Variants in CSNK1G3 observed in about 807,000 individuals in gnomAD.
The protein encoded by CSNK1G3 is casein kinase 1 gamma 3.
A neutral mutation model predicts 64.3 loss-of-function variants in CSNK1G3; 23 were observed. The ratio of observed to expected loss-of-function variants is 0.36; its 90% CI spans 0.26 to 0.51. CSNK1G3 has a LOEUF of 0.51. Ranked by LOEUF, CSNK1G3 falls within the 20% of genes least tolerant of loss-of-function variation. The pLI, the probability that CSNK1G3 is intolerant of heterozygous loss-of-function variation, is 0.96. For missense variants in CSNK1G3, 357 were observed against 510.5 expected, an observed-to-expected ratio of 0.70 and a Z score of 2.90; for synonymous variants, 158 against 162.2, an observed-to-expected ratio of 0.97 and a Z score of 0.20.
At chr5:123,583,570 G>C (rs1790756316) in intron 6 of CSNK1G3, among the ~76,000 whole-genome samples, 2 of 148,544 alleles carry the variant, frequency 1.3e-5, no homozygotes, top group Non-Finnish European at 3.0e-5. Context: ...CTGCATGTTG[G>C]TCAGGCTGCT....
At chr5:123,600,323 CA>C (rs1040323457) in intron 10 of CSNK1G3, among the ~76,000 whole-genome samples, 24 of 152,108 alleles carry the variant, frequency 1.6e-4, no homozygotes, top group African/African-American at 5.8e-4. Context: ...TACAAGGTAT[CA>C]AATAGAAATT....
intron 5 of CSNK1G3, 49 bp from the exon 6 acceptor site, chr5:123,575,680 C>T (rs775310266): frequency 1.8e-6 from 2 of 1,127,988 alleles, no homozygotes; most frequent in African/African-American, 1.5e-5. Flanking sequence ...CTTGCTTAGG[C>T]TAGTCAAAGC....
chr5:123,583,617 G>A (rs1279780386), intron 6 of CSNK1G3, among the ~76,000 whole-genome samples: 2 of 149,268 alleles, frequency 1.3e-5, no homozygotes, highest in African/African-American at 4.9e-5. Context: ...GCCCGCCTCA[G>A]CCTCCCAAAG....
intron 10 of CSNK1G3, among the ~76,000 whole-genome samples, chr5:123,603,489 C>T (rs369894035): frequency 1.8e-4 from 27 of 152,060 alleles, no homozygotes; most frequent in Non-Finnish European, 3.7e-4. Context: ...TCTCTCTTAT[C>T]CTGGAGCTTA....
At chr5:123,568,736 A>G (rs758415063) in intron 4 of CSNK1G3, among the ~76,000 whole-genome samples, 37 of 151,950 alleles carry the variant, frequency 2.4e-4, no homozygotes, top group Non-Finnish European at 4.9e-4. Context: ...CTGCCACTGC[A>G]CTCTATGTTT....
chr5:123,516,789 A>G (rs184830451), intron 1 of CSNK1G3, among the ~76,000 whole-genome samples: 1 of 152,328 alleles, frequency 6.6e-6, no homozygotes, highest in East Asian at 1.9e-4. Context: ...AGATGGTCTC[A>G]TGATACTCTT....
exon 13 of CSNK1G3, chr5:123,615,234 A>C (rs1749261388): frequency 6.6e-6 from 1 of 152,666 alleles, no homozygotes; most frequent in Non-Finnish European, 1.5e-5. Flanking sequence ...GGAGTTATAA[A>C]GAAATACACT....
intron 10 of CSNK1G3, among the ~76,000 whole-genome samples, chr5:123,602,417 C>T (rs1253531366): frequency 6.6e-6 from 1 of 152,116 alleles, no homozygotes; most frequent in Non-Finnish European, 1.5e-5. Context: ...ATTCCAAATA[C>T]CTAGAACAGT....
At chr5:123,533,954 C>G (rs1431578669) in intron 1 of CSNK1G3, among the ~76,000 whole-genome samples, 1 of 151,490 alleles carries the variant, frequency 6.6e-6, no homozygotes, top group Non-Finnish European at 1.5e-5. Flanking sequence ...CTTTAGGTTT[C>G]TTTTGCTGTT....
At chr5:123,605,870 C>A (rs1420667102) in intron 12 of CSNK1G3, among the ~76,000 whole-genome samples, 1 of 151,878 alleles carries the variant, frequency 6.6e-6, no homozygotes, top group Non-Finnish European at 1.5e-5. Context: ...TTTAAAAATC[C>A]TCATCTAAAT....
chr5:123,527,762 A>G (rs1349818659), intron 1 of CSNK1G3, among the ~76,000 whole-genome samples: 1 of 152,244 alleles, frequency 6.6e-6, no homozygotes, highest in African/African-American at 2.4e-5. Flanking sequence ...TTTAGTTAGC[A>G]TTATAGGGAA....
intron 1 of CSNK1G3, among the ~76,000 whole-genome samples, chr5:123,529,162 T>C (rs894498194): frequency 3.9e-5 from 6 of 152,208 alleles, no homozygotes; most frequent in African/African-American, 1.4e-4. Context: ...AGTATAATGC[T>C]GTTGGCTATT....
At chr5:123,588,583 A>G (rs1010707700) in intron 8 of CSNK1G3, 72 bp downstream of exon 8, 30 of 974,920 alleles carry the variant, frequency 3.1e-5, no homozygotes, top group Non-Finnish European at 4.3e-5. Flanking sequence ...GCTTAAGTTT[A>G]TACATATTTT....
intron 12 of CSNK1G3, among the ~76,000 whole-genome samples, chr5:123,612,539 G>A (rs1043823027): frequency 2.0e-5 from 3 of 150,632 alleles, no homozygotes; most frequent in East Asian, 2.0e-4. Context: ...GTGCAATGGC[G>A]CGACCTTGGC....
At chr5:123,601,174 T>A (rs993851840) in intron 10 of CSNK1G3, among the ~76,000 whole-genome samples, 2 of 152,304 alleles carry the variant, frequency 1.3e-5, no homozygotes, top group Admixed American at 6.5e-5. Context: ...AGAATTTGGC[T>A]TATAAAAATA....
At chr5:123,604,640 T>C in intron 10 of CSNK1G3, 84 bp from the exon 12 acceptor site, 1 of 643,400 alleles carries the variant, frequency 1.6e-6, no homozygotes, top group Non-Finnish European at 2.7e-6. Flanking sequence ...ATGTTTATCC[T>C]TGTATAACCT....
intron 10 of CSNK1G3, among the ~76,000 whole-genome samples, chr5:123,596,390 T>C (rs1356969966): frequency 6.6e-6 from 1 of 152,156 alleles, no homozygotes; most frequent in African/African-American, 2.4e-5. Context: ...CTATATTTTG[T>C]ATGTATCTGT....
intron 1 of CSNK1G3, among the ~76,000 whole-genome samples, chr5:123,524,840 C>G (rs1273366974): frequency 1.3e-5 from 2 of 152,100 alleles, no homozygotes; most frequent in Admixed American, 6.6e-5. Flanking sequence ...TATGTGGTCT[C>G]TTTTCTTTCC....
Position 123,544,324 on chromosome 5 carries a change from G to C in CSNK1G3, c.-247-1093G>C, listed in dbSNP as rs1168262118. Among the ~76,000 whole-genome samples, 3 of 152,150 alleles carry C rather than the reference G, an allele frequency of 2.0e-5. No homozygotes were observed. The East Asian group carries it at 5.8e-4, about 29-fold the overall frequency. On this transcript the variant is annotated intron_variant, in intron 1 of 12. Coordinates refer to ENST00000345990, the Ensembl canonical transcript of CSNK1G3. ...CTGCCTTTCTTTACCAACTGTCTTG[G>C]TAAATTCCCTTATTGCCTACACCAC...
Sources: allele counts gnomAD v4.1 joint callset (sites outside exome capture counted in the v4.1 genomes callset), GRCh38; gene constraint gnomAD v4.1.1; transcripts MANE v1.5; gene names NCBI Gene and HGNC (gene_info 2026-07-23, HGNC 2026-07-21).